The following PCDH9 variants were observed in gnomAD, a reference collection of about 807,000 sequenced individuals.
PCDH9 encodes protocadherin 9.
PCDH9 carries 24 observed loss-of-function variants against 70.6 expected under a neutral mutation model. That is an observed-to-expected ratio of 0.34 (90% CI 0.25 to 0.48). The LOEUF (loss-of-function observed/expected upper bound fraction) is 0.48, where lower values mean the gene tolerates loss of function less well. Among genes scored for constraint, PCDH9 ranks in the 20% least tolerant of loss-of-function variants. The probability of loss-of-function intolerance (pLI) is 0.99; values close to 1 mark genes in which losing one functional copy is unlikely to be tolerated. For missense variants in PCDH9, 1,281 were observed against 1,503.6 expected (o/e 0.85, Z 2.45); for synonymous variants, 562 against 558.5 (o/e 1.01, Z -0.09).
intron 4 of PCDH9, among the ~76,000 whole-genome samples, chr13:66,417,763 T>G (rs150904427): frequency 0.013 from 1,956 of 152,322 alleles, 43 homozygotes; most frequent in African/African-American, 0.045. Flanking sequence ...ACCAGTGATG[T>G]GAGCTTTTTT....
chr13:67,197,368 G>C (rs1013829500), intron 2 of PCDH9, among the ~76,000 whole-genome samples: 10 of 152,036 alleles, frequency 6.6e-5, no homozygotes, highest in African/African-American at 2.4e-4. Context: ...AACTGGTTCT[G>C]AAGAAAGTTC....
chr13:66,434,634 A>AT (rs1268114109), intron 4 of PCDH9, among the ~76,000 whole-genome samples: 7 of 151,776 alleles, frequency 4.6e-5, no homozygotes, highest in East Asian at 1.9e-4. Context: ...TGGTCATCAC[A>AT]TTTTTTTTAA....
intron 3 of PCDH9, among the ~76,000 whole-genome samples, chr13:66,877,642 C>A (rs576325461): frequency 1.3e-5 from 2 of 152,206 alleles, no homozygotes; most frequent in African/African-American, 4.8e-5. Context: ...ATTTTTCCCT[C>A]TAGGCATCTT....
chr13:66,359,549 A>G (rs1325022804), intron 4 of PCDH9, among the ~76,000 whole-genome samples: 2 of 152,014 alleles, frequency 1.3e-5, no homozygotes, highest in African/African-American at 4.8e-5. Context: ...ACAACAATAA[A>G]AAGTATTGCT....
At chr13:66,941,001 T>C (rs948865220) in intron 2 of PCDH9, among the ~76,000 whole-genome samples, 2 of 151,962 alleles carry the variant, frequency 1.3e-5, no homozygotes, top group African/African-American at 2.4e-5. Flanking sequence ...TCATGGTTTA[T>C]ATACTTGTAG....
rs866315964 is a variant in PCDH9, at chr13:66,505,749, C to T, written c.3340+125461G>A. Among the ~76,000 whole-genome samples the T allele has an allele frequency of 2.6e-5, 4 of 152,298 alleles. No individual in the cohort carries two copies. In the Middle Eastern group the frequency reaches 0.01, roughly 389 times the overall value. ...CCACCACTATGATTCAATTACCTCT[C>T]ACTGGGTCCCTCATACAATACGTGG... On this transcript the variant is annotated intron_variant, in intron 4 of 4. Coordinates refer to ENST00000377865, the MANE Select transcript of PCDH9 (RefSeq NM_203487.3).
intron 3 of PCDH9, among the ~76,000 whole-genome samples, chr13:66,657,033 A>T (rs1052006553): frequency 6.6e-5 from 10 of 152,228 alleles, no homozygotes; most frequent in Non-Finnish European, 1.3e-4. Context: ...GCTTCCTCAG[A>T]CAAAAGCCTA....
intron 3 of PCDH9, among the ~76,000 whole-genome samples, chr13:66,654,230 A>G (rs985770253): frequency 7.2e-5 from 11 of 152,156 alleles, no homozygotes; most frequent in African/African-American, 2.4e-4. Flanking sequence ...ACAAACTTCA[A>G]ATGTTCTCAC....
At chr13:67,216,703 T>C (rs1257928376) in intron 2 of PCDH9, 2 of 143,746 alleles carry the variant, frequency 1.4e-5, no homozygotes, top group Non-Finnish European at 3.1e-5. Flanking sequence ...TATATATATA[T>C]ATATGGATAT....
At chr13:66,967,662 T>C (rs929270949) in intron 2 of PCDH9, among the ~76,000 whole-genome samples, 11 of 151,966 alleles carry the variant, frequency 7.2e-5, no homozygotes, top group African/African-American at 2.7e-4. Flanking sequence ...AAAAAAAATT[T>C]TTTCTTAACA....
At chr13:66,801,922 T>G (rs2080332549) in intron 3 of PCDH9, among the ~76,000 whole-genome samples, 1 of 152,006 alleles carries the variant, frequency 6.6e-6, no homozygotes, top group South Asian at 2.1e-4. Flanking sequence ...AAATTCCAAA[T>G]CAGGATAAGA....
chr13:66,630,896 T>A (rs1199106433), intron 4 of PCDH9: 1 of 219,944 alleles, frequency 4.5e-6, no homozygotes, highest in South Asian at 1.1e-4. Context: ...TTTTTGCAGT[T>A]CTAAAATGTG....
chr13:66,608,583 A>G (rs759623606), intron 4 of PCDH9, among the ~76,000 whole-genome samples: 52 of 151,998 alleles, frequency 3.4e-4, no homozygotes, highest in Non-Finnish European at 6.0e-4. Context: ...CCAAACTAAT[A>G]GTGCTAGGAA....
At chr13:66,713,825 A>G (rs2078832597) in intron 3 of PCDH9, among the ~76,000 whole-genome samples, 1 of 151,812 alleles carries the variant, frequency 6.6e-6, no homozygotes, top group South Asian at 2.1e-4. Context: ...AACATCTTTA[A>G]GTCTATTAAA....
At chr13:66,622,325 G>A (rs938206959) in intron 4 of PCDH9, among the ~76,000 whole-genome samples, 1 of 152,210 alleles carries the variant, frequency 6.6e-6, no homozygotes, top group Non-Finnish European at 1.5e-5. Context: ...CAAGGGCTGA[G>A]GAGTACAGGC....
chr13:66,497,083 T>A (rs778467586), intron 4 of PCDH9, among the ~76,000 whole-genome samples: 1 of 152,186 alleles, frequency 6.6e-6, no homozygotes, highest in Non-Finnish European at 1.5e-5. Context: ...TCAGTTTTTT[T>A]TTTAGACGGG....
At chr13:67,174,320 T>C (rs936890085) in intron 2 of PCDH9, among the ~76,000 whole-genome samples, 4 of 151,488 alleles carry the variant, frequency 2.6e-5, no homozygotes, top group Non-Finnish European at 5.9e-5. Context: ...GATAGATACA[T>C]ACATACATAC....
intron 4 of PCDH9, among the ~76,000 whole-genome samples, chr13:66,485,522 A>T (rs931091218): frequency 1.3e-5 from 2 of 152,128 alleles, no homozygotes; most frequent in African/African-American, 4.8e-5. Context: ...TGGTCCTTGC[A>T]TTCAGTTTAT....
rs535842210 is a variant in PCDH9, at chr13:66,960,930, AAC to A, written c.3037-57327_3037-57326del. Among the ~76,000 whole-genome samples, 10 of 152,242 alleles carry A rather than the reference AAC, an allele frequency of 6.6e-5. No individual in the cohort carries two copies. The East Asian group carries it at 1.4e-3, about 21-fold the overall frequency. ...GAGTATCAATTGGTAAAATAATCAA[AAC>A]ACTACACAATTGATTTATTGGTCAT... On this transcript the variant is annotated intron_variant, in intron 2 of 4. Coordinates refer to ENST00000377865, the MANE Select transcript of PCDH9 (RefSeq NM_203487.3).
Sources: gnomAD v4.1 joint callset for allele counts (sites outside exome capture counted in the v4.1 genomes callset) on GRCh38, gnomAD v4.1.1 for gene constraint, MANE v1.5 for transcripts, NCBI Gene and HGNC (gene_info 2026-07-23, HGNC 2026-07-21) for gene names.